Variants in KLF12 observed in about 807,000 individuals in gnomAD.
KLF12 encodes KLF transcription factor 12.
KLF12 carries 9 observed loss-of-function variants against 37.8 expected under a neutral mutation model. The observed-to-expected ratio is 0.24, with a 90% CI of 0.14 to 0.42. The LOEUF is 0.42. KLF12 is among the 10% of genes least tolerant of loss of function. The probability of loss-of-function intolerance (pLI) is 1.00; values close to 1 mark genes in which losing one functional copy is unlikely to be tolerated. For synonymous variants in KLF12, 208 were observed against 202.1 expected, an observed-to-expected ratio of 1.03 and a Z score of -0.25; for missense variants, 411 against 516.0, an observed-to-expected ratio of 0.80 and a Z score of 1.97.
intron 1 of KLF12, among the ~76,000 whole-genome samples, chr13:74,084,489 C>A (rs535975151): frequency 1.1e-3 from 166 of 152,300 alleles, no homozygotes; most frequent in African/African-American, 3.7e-3. Context: ...TTACAGATCA[C>A]TAGAAGTCAC....
At chr13:74,124,708 T>C (rs1259479514) in intron 1 of KLF12, among the ~76,000 whole-genome samples, 7 of 152,154 alleles carry the variant, frequency 4.6e-5, no homozygotes, top group African/African-American at 2.4e-5. Flanking sequence ...GAAAACTTCC[T>C]GGTGATACGG....
chr13:74,080,040 T>C (rs1874787998), intron 1 of KLF12, among the ~76,000 whole-genome samples: 2 of 152,286 alleles, frequency 1.3e-5, no homozygotes, highest in South Asian at 4.1e-4. Flanking sequence ...TATTCAGCCT[T>C]ATAAAGGAAG....
In KLF12 at chr13:73,691,950, G is replaced by C. The variant is rs1873848595; in HGVS notation, c.*3540C>G. On this transcript the variant is annotated 3_prime_UTR_variant, in exon 8 of 8. Transcript: ENST00000377669. ...GGAACTGGCATTTGTAAACACTGTA[G>C]CATTTTGTAAGTTTTTCCCCTGACA... is the stretch of plus-strand genomic sequence containing the variant. 6.6e-6 allele frequency: 1 copy of C among 152,554 alleles called. No individual in the cohort carries two copies. Among genetic ancestry groups the C allele is most frequent in the South Asian group, 2.1e-4 (1 of 4,830 alleles). The allele number at this position is 152,554 out of a possible 1,614,324, so 9.5% of individuals were successfully genotyped here.
intron 1 of KLF12, among the ~76,000 whole-genome samples, chr13:74,060,500 G>GTGTGTGTC (rs1566523514): frequency 6.7e-6 from 1 of 149,112 alleles, no homozygotes; most frequent in African/African-American, 2.5e-5. Flanking sequence ...GTGTGTGTGT[G>GTGTGTGTC]TGTGTGTGTG....
intron 3 of KLF12, among the ~76,000 whole-genome samples, chr13:73,884,813 T>C (rs1051713394): frequency 6.6e-6 from 1 of 152,264 alleles, no homozygotes; most frequent in African/African-American, 2.4e-5. Flanking sequence ...GAGAATTATA[T>C]GGTCGAGGCC....
intron 1 of KLF12, among the ~76,000 whole-genome samples, chr13:74,062,307 A>G (rs1187566036): frequency 6.6e-6 from 1 of 152,094 alleles, no homozygotes; most frequent in Non-Finnish European, 1.5e-5. Flanking sequence ...CATTTTCTCT[A>G]TATTTGTCTC....
chr13:74,138,380 C>CT (rs1221109957), upstream of KLF12, among the ~76,000 whole-genome samples: 1 of 152,154 alleles, frequency 6.6e-6, no homozygotes, highest in Non-Finnish European at 1.5e-5. Context: ...TTTCAAGCCT[C>CT]TATTTTTCAT....
At chr13:74,229,633 TACTA>T in the KLF12 span, among the ~76,000 whole-genome samples, 48 of 152,302 alleles carry the variant, frequency 3.2e-4, no homozygotes, top group Admixed American at 6.5e-4. Context: ...TTATCTAAAA[TACTA>T]ACTACTTCTT....
intron 1 of KLF12, among the ~76,000 whole-genome samples, chr13:74,086,608 A>G (rs1875319735): frequency 6.6e-6 from 1 of 152,092 alleles, no homozygotes; most frequent in South Asian, 2.1e-4. Context: ...TAAAGGCTTA[A>G]AACTATTATA....
the KLF12 span, among the ~76,000 whole-genome samples, chr13:74,233,920 T>C: frequency 2.0e-5 from 3 of 152,224 alleles, no homozygotes; most frequent in African/African-American, 7.2e-5. Flanking sequence ...CAATGCCATT[T>C]ACATTAGCAA....
At chr13:74,262,353 A>G in the KLF12 span, among the ~76,000 whole-genome samples, 1 of 152,152 alleles carries the variant, frequency 6.6e-6, no homozygotes, top group Non-Finnish European at 1.5e-5. Flanking sequence ...GCTTCATGAG[A>G]TTTGAAGAAA....
intron 1 of KLF12, among the ~76,000 whole-genome samples, chr13:74,011,239 C>CAAAA (rs58892976): frequency 5.3e-5 from 3 of 56,128 alleles, no homozygotes; most frequent in Non-Finnish European, 8.0e-5. Flanking sequence ...CAAGTCAGAG[C>CAAAA]AAAAAAAAAA....
chr13:74,097,754 ATTAG>A (rs961146370), intron 1 of KLF12, among the ~76,000 whole-genome samples: 27 of 151,196 alleles, frequency 1.8e-4, no homozygotes, highest in African/African-American at 6.3e-4. Context: ...ATGTGCTTTT[ATTAG>A]TTAAATGTCT....
chr13:74,029,025 C>T (rs1401190760), intron 1 of KLF12, among the ~76,000 whole-genome samples: 1 of 151,998 alleles, frequency 6.6e-6, no homozygotes, highest in Non-Finnish European at 1.5e-5. Flanking sequence ...ATTCTCAGTA[C>T]CACATTACCA....
intron 1 of KLF12, among the ~76,000 whole-genome samples, chr13:74,055,005 A>T (rs1873165257): frequency 6.6e-6 from 1 of 152,252 alleles, no homozygotes; most frequent in African/African-American, 2.4e-5. Flanking sequence ...GCGATGAAGA[A>T]GGTAAGAAAT....
At chr13:73,981,194 TACATGGGAAAACAATTGG>T (rs1173146442) in intron 2 of KLF12, among the ~76,000 whole-genome samples, 1 of 152,180 alleles carries the variant, frequency 6.6e-6, no homozygotes, top group East Asian at 1.9e-4. Flanking sequence ...CTATTGCAAC[TACATGGGAAAACAATTGG>T]ACATTATCCA....
chr13:74,072,364 AATATATATATAT>A (rs773653636), intron 1 of KLF12, among the ~76,000 whole-genome samples: 1,664 of 63,050 alleles, frequency 0.026, 70 homozygotes, highest in African/African-American at 0.067. Flanking sequence ...AAGAAATACA[AATATATATATAT>A]ATATATATAT....
chr13:74,252,015 T>C, the KLF12 span, among the ~76,000 whole-genome samples: 4,949 of 152,224 alleles, frequency 0.033, 114 homozygotes, highest in Middle Eastern at 0.071. Flanking sequence ...GATGTTGGGA[T>C]GGGTCTGGGA....
intron 7 of KLF12, among the ~76,000 whole-genome samples, chr13:73,698,190 G>C (rs1352237560): frequency 2.0e-5 from 3 of 151,612 alleles, no homozygotes; most frequent in Non-Finnish European, 1.5e-5. Flanking sequence ...GAGAGGAAAG[G>C]GGGAGGGGAA....
Sources: gnomAD v4.1 joint callset for allele counts (sites outside exome capture counted in the v4.1 genomes callset) on GRCh38, gnomAD v4.1.1 for gene constraint, MANE v1.5 for transcripts, NCBI Gene and HGNC (gene_info 2026-07-23, HGNC 2026-07-21) for gene names.